The following VAT1L variants were observed in gnomAD, a reference collection of about 807,000 sequenced individuals.
VAT1L encodes putative NADPH-dependent quinone oxidoreductase VAT1L.
VAT1L carries 34 observed loss-of-function variants against 44.1 expected under a neutral mutation model. The ratio of observed to expected loss-of-function variants is 0.77; its 90% CI spans 0.59 to 1.03. VAT1L has a LOEUF of 1.03. Ranked by LOEUF, VAT1L falls within the 50% of genes least tolerant of loss-of-function variation. VAT1L has a pLI of 0.00. For missense variants in VAT1L, 615 were observed against 538.8 expected (o/e 1.14, Z -1.40); for synonymous variants, 253 against 202.2 (o/e 1.25, Z -2.13).
chr16:77,887,543 C>T (rs1178745059), intron 7 of VAT1L, among the ~76,000 whole-genome samples: 8 of 152,226 alleles, frequency 5.3e-5, no homozygotes, highest in East Asian at 1.9e-4. Context: ...AGATGGTACA[C>T]GTGAGGCAGC....
At position 77,879,186 on chromosome 16, in the gene VAT1L, A is replaced by C; in HGVS notation, c.844A>C (p.Thr282Pro). 1 of 1,614,198 alleles carries C rather than the reference A, an allele frequency of 6.2e-7. No individual in the cohort carries two copies. Reference protein sequence around the residue: ...YILYGSSNMVTGETKSFFSFA... With the variant: ...YILYGSSNMVPGETKSFFSFA... ...ATTTTCAGGCTCATCCAACATGGTA[A>C]CTGGAGAGACCAAGAGCTTCTTCAG... The change falls in exon 6 of 9, where the codon ACT (threonine) becomes CCT (proline). Residue 282 changes from threonine to proline, a missense_variant. By Grantham distance (38) the Thr-to-Pro change is conservative. Transcript: ENST00000302536. The surrounding 1 kb of genome is among the most constrained non-coding windows in gnomAD (Gnocchi z 4.1).
chr16:77,960,699 A>G (rs994171229), intron 7 of VAT1L, among the ~76,000 whole-genome samples: 2 of 152,294 alleles, frequency 1.3e-5, no homozygotes, highest in African/African-American at 4.8e-5. Flanking sequence ...AATAGAGGCC[A>G]GAGAATGGAA....
chr16:77,857,318 AG>A (rs2016869172), intron 3 of VAT1L, among the ~76,000 whole-genome samples: 1 of 152,196 alleles, frequency 6.6e-6, no homozygotes, highest in African/African-American at 2.4e-5. Flanking sequence ...GGCACGTAGG[AG>A]AAATGAGGAT....
At chr16:77,817,841 A>G (rs1264642768) in intron 2 of VAT1L, among the ~76,000 whole-genome samples, 1 of 152,214 alleles carries the variant, frequency 6.6e-6, no homozygotes, top group Non-Finnish European at 1.5e-5. Flanking sequence ...AGAAAAACCA[A>G]TGCAAATCAG....
intron 7 of VAT1L, among the ~76,000 whole-genome samples, chr16:77,907,153 G>C (rs1049115163): frequency 3.9e-5 from 6 of 152,134 alleles, no homozygotes; most frequent in Non-Finnish European, 4.4e-5. Flanking sequence ...TACTCCCATC[G>C]TGACCAATAG....
At chr16:77,916,882 C>T (rs2017557938) in intron 7 of VAT1L, among the ~76,000 whole-genome samples, 1 of 151,702 alleles carries the variant, frequency 6.6e-6, no homozygotes, top group African/African-American at 2.4e-5. Flanking sequence ...CAAAGAGTGC[C>T]CTCTGATTAG....
At chr16:77,957,864 C>T (rs2018120847) in intron 7 of VAT1L, among the ~76,000 whole-genome samples, 1 of 151,644 alleles carries the variant, frequency 6.6e-6, no homozygotes. Context: ...CAGGTTGTTA[C>T]TTTAACCCCT....
intron 3 of VAT1L, among the ~76,000 whole-genome samples, chr16:77,832,526 C>T (rs1336132597): frequency 6.6e-6 from 1 of 152,158 alleles, no homozygotes; most frequent in East Asian, 1.9e-4. Context: ...ATGAGATTTT[C>T]TTGACAGGCA....
At chr16:77,826,673 A>C (rs2016526911) in intron 3 of VAT1L, among the ~76,000 whole-genome samples, 1 of 152,176 alleles carries the variant, frequency 6.6e-6, no homozygotes, top group Non-Finnish European at 1.5e-5. Context: ...CATGGCAAGC[A>C]CTATGTCTGT....
chr16:77,918,340 AG>A (rs908128510), intron 7 of VAT1L, among the ~76,000 whole-genome samples: 19 of 152,214 alleles, frequency 1.2e-4, no homozygotes, highest in African/African-American at 4.3e-4. Context: ...CAGGAAACCA[AG>A]GTAGAAAGTT....
intron 7 of VAT1L, among the ~76,000 whole-genome samples, chr16:77,890,277 G>C (rs144192509): frequency 2.0e-5 from 3 of 152,086 alleles, no homozygotes; most frequent in African/African-American, 7.2e-5. Flanking sequence ...GTGGGGTAGA[G>C]AGAAAAGTCT....
chr16:77,896,701 C>G (rs1295757775), intron 7 of VAT1L, among the ~76,000 whole-genome samples: 1 of 152,186 alleles, frequency 6.6e-6, no homozygotes, highest in Non-Finnish European at 1.5e-5. Context: ...AGGTTCTAAG[C>G]AGACAACTTC....
chr16:77,800,327 G>A (rs1220041624), intron 1 of VAT1L: 19 of 152,142 alleles, frequency 1.2e-4, no homozygotes, highest in Admixed American at 1.2e-3. Context: ...CTGCCATGCA[G>A]GCCCAATGAC....
intron 3 of VAT1L, among the ~76,000 whole-genome samples, chr16:77,847,041 A>C (rs974481242): frequency 2.0e-4 from 30 of 152,206 alleles, no homozygotes; most frequent in Non-Finnish European, 2.9e-5. Context: ...TTTCATAATA[A>C]TACTTTTTAT....
intron 7 of VAT1L, among the ~76,000 whole-genome samples, chr16:77,915,334 A>G (rs2017541286): frequency 6.6e-6 from 1 of 152,250 alleles, no homozygotes; most frequent in South Asian, 2.1e-4. Flanking sequence ...TCATAAATGT[A>G]TGCATATACG....
intron 4 of VAT1L, 81 bp downstream of exon 4, chr16:77,862,971 G>GATA (rs1047236725): frequency 1.1e-5 from 16 of 1,496,406 alleles, no homozygotes; most frequent in East Asian, 4.6e-5. Context: ...TTAAAAGAGG[G>GATA]ATAATAATAA....
At chr16:77,890,218 G>A (rs1427123462) in intron 7 of VAT1L, among the ~76,000 whole-genome samples, 1 of 152,048 alleles carries the variant, frequency 6.6e-6, no homozygotes. Flanking sequence ...TGACAAGCAG[G>A]AGGCACAGCA....
At chr16:77,976,601 C>T (rs1485964674) in intron 8 of VAT1L, among the ~76,000 whole-genome samples, 1 of 152,126 alleles carries the variant, frequency 6.6e-6, no homozygotes, top group Non-Finnish European at 1.5e-5. Context: ...GGGATAAGAA[C>T]AGAAAAGAAA....
At chr16:77,843,239 T>C (rs1034971391) in intron 3 of VAT1L, among the ~76,000 whole-genome samples, 1 of 152,064 alleles carries the variant, frequency 6.6e-6, no homozygotes, top group South Asian at 2.1e-4. Flanking sequence ...GGGCTGTTTT[T>C]TCAATGGTTT....
Sources: gnomAD v4.1 joint callset for allele counts (sites outside exome capture counted in the v4.1 genomes callset) on GRCh38, gnomAD v4.1.1 for gene constraint, Gnocchi (gnomAD v3.1) non-coding constraint, MANE v1.5 for transcripts, NCBI Gene and HGNC (gene_info 2026-07-23, HGNC 2026-07-21) for gene names.